DCC: variants seen among roughly 807,000 people sequenced by gnomAD.
DCC encodes the protein netrin receptor DCC.
In DCC, 58 loss-of-function variants were observed where a neutral mutation model predicts 172.5. The observed-to-expected ratio is 0.34, with a 90% CI of 0.27 to 0.42. The LOEUF is 0.42. DCC is among the 10% of genes least tolerant of loss of function. The pLI is 1.00. For missense variants in DCC, 1,740 were observed against 1,791.0 expected (o/e 0.97, Z 0.51); for synonymous variants, 709 against 644.5 (o/e 1.10, Z -1.52).
chr18:52,769,611 T>C (rs1330358417), intron 2 of DCC, among the ~76,000 whole-genome samples: 1 of 152,212 alleles, frequency 6.6e-6, no homozygotes, highest in Non-Finnish European at 1.5e-5. Context: ...CTTTCAAGGA[T>C]CATGCCTTTA....
chr18:52,381,950 A>G (rs1282684140), intron 1 of DCC, among the ~76,000 whole-genome samples: 3 of 152,144 alleles, frequency 2.0e-5, no homozygotes, highest in African/African-American at 7.2e-5. Context: ...TCTTGGAAAA[A>G]AGCTGTCTCC....
chr18:53,525,771 T>C (rs2046448153), intron 27 of DCC, among the ~76,000 whole-genome samples: 1 of 152,118 alleles, frequency 6.6e-6, no homozygotes, highest in African/African-American at 2.4e-5. Flanking sequence ...TTTTCATGGC[T>C]TTCTCTAATA....
intron 27 of DCC, among the ~76,000 whole-genome samples, chr18:53,523,675 G>A (rs1262380068): frequency 7.2e-5 from 11 of 151,966 alleles, no homozygotes; most frequent in South Asian, 2.1e-4. Flanking sequence ...ACCAAACACC[G>A]CATGTTCTCA....
At chr18:52,645,727 C>A (rs923832142) in intron 1 of DCC, among the ~76,000 whole-genome samples, 5 of 152,094 alleles carry the variant, frequency 3.3e-5, no homozygotes, top group African/African-American at 4.8e-5. Context: ...CCATGCAGCC[C>A]GTTCAGATGT....
chr18:53,132,458 T>A (rs187153798), intron 7 of DCC, among the ~76,000 whole-genome samples: 5 of 152,264 alleles, frequency 3.3e-5, no homozygotes, highest in Admixed American at 3.3e-4. Context: ...CACGCTTAAG[T>A]CCTTCCCCTT....
intron 27 of DCC, among the ~76,000 whole-genome samples, chr18:53,521,271 C>A (rs2046396064): frequency 6.6e-6 from 1 of 152,092 alleles, no homozygotes; most frequent in African/African-American, 2.4e-5. Context: ...TGCCTGGGCA[C>A]TAGAGAAAAT....
chr18:52,388,517 T>C (rs576563891), intron 1 of DCC, among the ~76,000 whole-genome samples: 11 of 151,930 alleles, frequency 7.2e-5, no homozygotes, highest in East Asian at 3.9e-4. Context: ...CTTTTTTTTT[T>C]CCCCACGGAA....
chr18:52,360,195 T>C (rs1050295102), intron 1 of DCC, among the ~76,000 whole-genome samples: 1 of 152,242 alleles, frequency 6.6e-6, no homozygotes, highest in Non-Finnish European at 1.5e-5. Context: ...TAGACACTTC[T>C]AGATTATTGA....
At chr18:53,474,951 A>G (rs2145196986) in intron 25 of DCC, among the ~76,000 whole-genome samples, 1 of 152,356 alleles carries the variant, frequency 6.6e-6, no homozygotes, top group African/African-American at 2.4e-5. Flanking sequence ...ACAATGAAAT[A>G]CAGTCTGAGG....
intron 19 of DCC, among the ~76,000 whole-genome samples, chr18:53,407,469 T>A (rs901896620): frequency 6.8e-6 from 1 of 146,860 alleles, no homozygotes; most frequent in African/African-American, 2.5e-5. Context: ...TATATACAAA[T>A]TTTATATATA....
At position 52,665,436 on chromosome 18, in the gene DCC, A is replaced by T. The variant is rs140052562; in HGVS notation, c.92-86618A>T. Among the ~76,000 whole-genome samples, 323 of 152,340 alleles carry T rather than the reference A, an allele frequency of 2.1e-3. 1 individual carries two copies. The highest frequency in any genetic ancestry group is 6.8e-3 in the African/African-American group (282 of 41,582). The stretch of plus-strand genomic sequence containing the variant: ...ACATTAAGTTTAATTACATATCATT[A>T]ATTATATAAAATATTTAAATTGTTA... On this transcript the variant is annotated intron_variant, in intron 1 of 28. Coordinates refer to ENST00000442544, the MANE Select transcript of DCC (RefSeq NM_005215.4).
chr18:53,319,812 G>A (rs973092552), intron 13 of DCC, among the ~76,000 whole-genome samples: 34 of 152,096 alleles, frequency 2.2e-4, no homozygotes, highest in African/African-American at 8.2e-4. Flanking sequence ...ATGAATCTGG[G>A]CCATCCAAAT....
Position 53,532,708 on chromosome 18 carries a change from G to A in DCC, c.*2055G>A, listed in dbSNP as rs2046535806. On this transcript the variant is annotated 3_prime_UTR_variant, in exon 29 of 29. Coordinates refer to ENST00000442544, the MANE Select transcript of DCC (RefSeq NM_005215.4). The stretch of plus-strand genomic sequence containing the variant: ...TAGCAAACATGGAACATTCTCCTTA[G>A]GCACTTGACACCCACGAGGGTAATC... The A allele has an allele frequency of 6.6e-6, 1 of 151,738 alleles. No individual in the cohort carries two copies. The highest frequency in any genetic ancestry group is 6.6e-5 in the Admixed American group (1 of 15,252). The allele number at this position is 151,738 out of a possible 1,614,324, so 9.4% of individuals were successfully genotyped here. A position where few individuals can be genotyped will look rare whatever the true frequency, so the allele number is the denominator to read the frequency against.
Position 53,205,219 on chromosome 18 carries a change from A to G in DCC, c.1577A>G (p.Gln526Arg), listed in dbSNP as rs2055605867. 1 of 1,612,546 alleles carries G rather than the reference A, an allele frequency of 6.2e-7. No homozygotes were observed. The highest frequency in any genetic ancestry group is 8.5e-7 in the Non-Finnish European group (1 of 1,178,656). The change falls in exon 10 of 29, where the codon CAA becomes CGA. Residue 526 changes from glutamine (Q) to arginine (R), a missense_variant. Physicochemically the swap from Gln to Arg is conservative, Grantham distance 43. Around this residue, in one of 2 missense-constraint regions of DCC, gnomAD observed 1,732 missense variants for 1,767.4 expected, o/e 0.98. Coordinates refer to ENST00000442544, the MANE Select transcript of DCC (RefSeq NM_005215.4). ...PIKVATQPELQVPGPVENLQA... is the reference protein window; with the variant it reads ...PIKVATQPELRVPGPVENLQA... ...TCTTTATTATTTTTTTATACAGTGC[A>G]AGTTCCAGGGCCAGTAGAAAACCTG... is the stretch of plus-strand genomic sequence containing the variant.
intron 2 of DCC, among the ~76,000 whole-genome samples, chr18:52,901,740 T>A (rs1244505981): frequency 6.6e-6 from 1 of 152,156 alleles, no homozygotes; most frequent in East Asian, 1.9e-4. Context: ...CTTTCAAAAT[T>A]TGGATGTCTG....
At chr18:52,924,613 C>A (rs1033410465) in intron 4 of DCC, among the ~76,000 whole-genome samples, 3 of 152,018 alleles carry the variant, frequency 2.0e-5, no homozygotes, top group Admixed American at 6.6e-5. Flanking sequence ...TTTTTGAGGA[C>A]TGGTATTCTC....
intron 7 of DCC, among the ~76,000 whole-genome samples, chr18:53,097,007 AC>A (rs2043098035): frequency 6.6e-6 from 1 of 152,098 alleles, no homozygotes; most frequent in Non-Finnish European, 1.5e-5. Flanking sequence ...AAAAGATGAA[AC>A]AAAAAGTGGA....
At chr18:53,364,534 A>G (rs2057981113) in intron 15 of DCC, among the ~76,000 whole-genome samples, 1 of 152,142 alleles carries the variant, frequency 6.6e-6, no homozygotes, top group Non-Finnish European at 1.5e-5. Flanking sequence ...ACAAAATGCA[A>G]AATGACTCAC....
intron 7 of DCC, among the ~76,000 whole-genome samples, chr18:53,083,150 G>C (rs757269988): frequency 5.3e-5 from 8 of 151,942 alleles, no homozygotes; most frequent in Non-Finnish European, 1.2e-4. Flanking sequence ...ACAATTTTCT[G>C]TTCCCAAAGC....
Sources: allele counts gnomAD v4.1 joint callset (sites outside exome capture counted in the v4.1 genomes callset), GRCh38; gene constraint gnomAD v4.1.1; regional missense constraint gnomAD v4.1.1; transcripts MANE v1.5; gene names NCBI Gene and HGNC (gene_info 2026-07-23, HGNC 2026-07-21).